The following AFMID variants were observed in gnomAD, a reference collection of about 807,000 sequenced individuals.
AFMID encodes arylformamidase.
Under a neutral mutation model 47.5 loss-of-function variants are expected in AFMID, and 39 were observed. The ratio of observed to expected loss-of-function variants is 0.82; its 90% confidence interval spans 0.64 to 1.07. The LOEUF is 1.07. Among genes scored for constraint, AFMID ranks in the 50% least tolerant of loss-of-function variants. The probability of loss-of-function intolerance (pLI) is 0.00; values close to 1 mark genes in which losing one functional copy is unlikely to be tolerated. For missense variants in AFMID, 375 were observed against 387.5 expected, an observed-to-expected ratio of 0.97 and a Z score of 0.27; for synonymous variants, 130 against 153.2, an observed-to-expected ratio of 0.85 and a Z score of 1.12.
At chr17:78,192,684 T>C in intron 2 of AFMID, 1 of 470,490 alleles carries the variant, frequency 2.1e-6, no homozygotes, top group South Asian at 1.6e-5. Context: ...TAAGGTCCAT[T>C]TCCATCTCTA....
chr17:78,192,410 G>A (rs1278233994), intron 2 of AFMID, among the ~76,000 whole-genome samples: 1 of 149,054 alleles, frequency 6.7e-6, no homozygotes, highest in Non-Finnish European at 1.5e-5. Context: ...CACCTCCCAG[G>A]TTCAAGCGAT....
At chr17:78,202,825 G>A in intron 4 of AFMID, 74 bp downstream of exon 4, 2 of 1,518,408 alleles carry the variant, frequency 1.3e-6, no homozygotes, top group Non-Finnish European at 1.8e-6. Context: ...CTCCAGGGCT[G>A]CCGCAACCAA....
intron 4 of AFMID, 183 bp downstream of exon 4, chr17:78,202,934 T>C: frequency 1.4e-6 from 1 of 705,818 alleles, no homozygotes; most frequent in Non-Finnish European, 2.4e-6. Context: ...GGGAGGGTCC[T>C]TCCTGCCTTC....
chr17:78,195,708 G>A (rs765411474), intron 2 of AFMID, among the ~76,000 whole-genome samples: 2 of 150,856 alleles, frequency 1.3e-5, no homozygotes, highest in Non-Finnish European at 2.9e-5. Context: ...CTCCATGTTG[G>A]TCAGGCTGGT....
chr17:78,188,973 C>T (rs2075884365), intron 1 of AFMID, among the ~76,000 whole-genome samples: 2 of 151,900 alleles, frequency 1.3e-5, no homozygotes, highest in Non-Finnish European at 1.5e-5. Context: ...CTCAAGTGAT[C>T]CACCCGCCTC....
intron 1 of AFMID, among the ~76,000 whole-genome samples, chr17:78,189,139 GGCCTT>G (rs2075889888): frequency 1.3e-5 from 2 of 152,176 alleles, no homozygotes; most frequent in Non-Finnish European, 1.5e-5. Context: ...TTTGACCTCA[GGCCTT>G]GCCATGAGGC....
chr17:78,197,957 A>T (rs1422761601), intron 2 of AFMID, among the ~76,000 whole-genome samples: 1 of 152,114 alleles, frequency 6.6e-6, no homozygotes, highest in Non-Finnish European at 1.5e-5. Context: ...CTACAAAAAA[A>T]TTAAAAATTA....
At chr17:78,189,809 C>T (rs1567841124) in intron 1 of AFMID, among the ~76,000 whole-genome samples, 3 of 150,324 alleles carry the variant, frequency 2.0e-5, no homozygotes, top group Non-Finnish European at 4.4e-5. Context: ...CGAGAGCCAC[C>T]GTGTCCAGCA....
At position 78,205,842 on chromosome 17, in the gene AFMID, A is replaced by G. The variant is rs1166598596; in HGVS notation, c.780+104A>G. ...GACAAGACCCTCCATCATTTATTTA[A>G]CACGTACTGAGTGAACCCTGACCTG... On this transcript the variant is annotated intron_variant, in intron 9 of 10. Transcript: ENST00000409257. 11 of 1,595,116 alleles carry G rather than the reference A, an allele frequency of 6.9e-6. No homozygotes were observed. The Admixed American group carries it at 1.5e-4, about 22-fold the overall frequency.
chr17:78,194,612 A>G (rs1567845636), intron 2 of AFMID, among the ~76,000 whole-genome samples: 2 of 152,210 alleles, frequency 1.3e-5, no homozygotes, highest in African/African-American at 4.8e-5. Flanking sequence ...GTCAGGGCGC[A>G]GGAGGCTGGC....
chr17:78,205,597 C>T lies in AFMID; in HGVS notation c.645-6C>T, dbSNP rs368239354. ...TGTCCTGACCCCTGTCCACTCCCCA[C>T]CCCAGGGAGGACGCTCAGAGGAATA... On this transcript the variant is annotated splice_region_variant and splice_polypyrimidine_tract_variant and intron_variant, in intron 8 of 10. Transcript: ENST00000409257. 8.1e-6 allele frequency: 13 copies of T among 1,613,696 alleles called. No individual in the cohort carries two copies. Among genetic ancestry groups the T allele is most frequent in the African/African-American group, 6.7e-5 (5 of 74,898 alleles).
Position 78,202,769 on chromosome 17 carries a change from G to A in AFMID, c.308+18G>A. ...AGCGGAAGGTGAGTCGGGGGATGTG[G>A]ATGGTGGACTGCAAGAGAGATTCCA... On this transcript the variant is annotated intron_variant, in intron 4 of 10. Transcript: ENST00000409257. 6.4e-7 allele frequency: 1 copy of A among 1,553,618 alleles called. No individual in the cohort carries two copies. The highest frequency in any genetic ancestry group is 8.7e-7 in the Non-Finnish European group (1 of 1,148,292).
intron 1 of AFMID, 172 bp from the exon 2 acceptor site, chr17:78,190,798 C>T (rs2075945169): frequency 5.2e-6 from 3 of 578,648 alleles, no homozygotes; most frequent in Non-Finnish European, 9.2e-6. Context: ...GCTAAAGGCA[C>T]AGCGGTCGCT....
intron 4 of AFMID, chr17:78,203,571 C>T (rs369417789): frequency 2.2e-4 from 33 of 151,808 alleles, no homozygotes; most frequent in African/African-American, 7.7e-4. Flanking sequence ...ATGGGGTTTT[C>T]AGTACTTTAG....
intron 2 of AFMID, among the ~76,000 whole-genome samples, chr17:78,200,755 A>G (rs2076224848): frequency 6.6e-6 from 1 of 152,186 alleles, no homozygotes; most frequent in Non-Finnish European, 1.5e-5. Flanking sequence ...TAGAACTGTG[A>G]GAGAATCACG....
chr17:78,205,798 T>G (rs2076364969), intron 9 of AFMID, 60 bp downstream of exon 9: 1 of 1,601,466 alleles, frequency 6.2e-7, no homozygotes, highest in South Asian at 1.1e-5. Context: ...ATTATTTTCC[T>G]CTTTCTTTTA....
intron 2 of AFMID, 60 bp downstream of exon 2, chr17:78,191,120 A>G: frequency 6.8e-7 from 1 of 1,470,884 alleles, no homozygotes; most frequent in Non-Finnish European, 9.4e-7. Flanking sequence ...GCAGTGATTC[A>G]GAATGCTGGG....
At position 78,206,047 on chromosome 17, in the gene AFMID, C is replaced by G. The variant is rs768725233; in HGVS notation, c.882C>G (p.Thr294=). The change falls in exon 10 of 11, where the codon ACC becomes ACG. Residue 294 remains threonine, a synonymous_variant. Transcript: ENST00000409257. ...ENLTQKDNVL[T]QIILKTIFQ is the part of the protein sequence containing the mutation. ...TGACCCAGAAGGACAACGTGCTCAC[C>G]CAGGTGGGGCCTCATCCCTGGCAGC... 1.2e-6 allele frequency: 2 copies of G among 1,613,870 alleles called. No homozygotes were observed. Among genetic ancestry groups the G allele is most frequent in the East Asian group, 2.2e-5 (1 of 44,882 alleles).
intron 8 of AFMID, 37 bp downstream of exon 8, chr17:78,205,555 G>A (rs1286152852): frequency 1.2e-6 from 2 of 1,613,906 alleles, no homozygotes; most frequent in South Asian, 2.2e-5. Context: ...TGGCTCACCA[G>A]GAGCCTGGCT....
Sources: gnomAD v4.1 joint callset for allele counts (sites outside exome capture counted in the v4.1 genomes callset) on GRCh38, gnomAD v4.1.1 for gene constraint, MANE v1.5 for transcripts, NCBI Gene and HGNC (gene_info 2026-07-23, HGNC 2026-07-21) for gene names.